The following ARID4A variants were observed in gnomAD, a reference collection of about 807,000 sequenced individuals.
ARID4A encodes the protein AT-rich interaction domain 4A, also known as AT-rich interactive domain-containing protein 4A.
In ARID4A, 39 loss-of-function variants were observed where a neutral mutation model predicts 148.6. That is an observed-to-expected ratio of 0.26 (90% CI 0.20 to 0.34). ARID4A has a LOEUF of 0.34. Among genes scored for constraint, ARID4A ranks in the 10% least tolerant of loss-of-function variants. ARID4A has a pLI of 1.00. For synonymous variants in ARID4A, 475 were observed against 481.2 expected, an observed-to-expected ratio of 0.99 and a Z score of 0.17; for missense variants, 1,265 against 1,449.1, an observed-to-expected ratio of 0.87 and a Z score of 2.06.
chr14:58,314,207 A>G (rs1229801277), intron 5 of ARID4A, among the ~76,000 whole-genome samples: 3 of 152,250 alleles, frequency 2.0e-5, no homozygotes, highest in Non-Finnish European at 4.4e-5. Flanking sequence ...AGCATGCTAT[A>G]GAAGACTGAA....
At chr14:58,355,885 T>C (rs1389897656) in intron 17 of ARID4A, among the ~76,000 whole-genome samples, 2 of 152,234 alleles carry the variant, frequency 1.3e-5, no homozygotes, top group Non-Finnish European at 2.9e-5. Context: ...AATGTTTTAC[T>C]TTATGACTCT....
intron 21 of ARID4A, 148 bp from the exon 22 acceptor site, chr14:58,365,876 T>G (rs567275135): frequency 1.3e-4 from 105 of 812,182 alleles, no homozygotes; most frequent in Admixed American, 2.2e-4. Flanking sequence ...TTTTTTTGTT[T>G]TTTTGTTGTT....
At chr14:58,346,615 A>G (rs1433904570) in intron 13 of ARID4A, 110 bp downstream of exon 13, 1 of 711,228 alleles carries the variant, frequency 1.4e-6, no homozygotes. Flanking sequence ...TTCTTAATGA[A>G]CATAGAATAT....
Position 58,347,775 on chromosome 14 carries a change from T to C in ARID4A, c.1301T>C (p.Leu434Ser). The change falls in exon 15 of 24, where the codon TTA (leucine) becomes TCA (serine). Residue 434 changes from leucine to serine, a missense_variant. Physicochemically the swap from Leu to Ser is moderately radical, Grantham distance 145. Around this residue, in one of 9 missense-constraint regions of ARID4A, gnomAD observed 205 missense variants for 196.9 expected, o/e 1.04. Transcript: ENST00000355431. ...LEESMEEALK[L>S]DQEMPLTEVK... ...GAATCAATGGAAGAGGCTCTCAAAT[T>C]AGATCAAGAAATGCCTTTAACAGAA... The C allele has an allele frequency of 6.2e-7, 1 of 1,613,828 alleles. No individual in the cohort carries two copies. Among genetic ancestry groups the C allele is most frequent in the Non-Finnish European group, 8.5e-7 (1 of 1,179,814 alleles).
At chr14:58,354,688 T>C (rs201744013) in intron 17 of ARID4A, among the ~76,000 whole-genome samples, 3 of 123,464 alleles carry the variant, frequency 2.4e-5, no homozygotes, top group Admixed American at 8.3e-5. Context: ...GTCTCATAAA[T>C]AAAAAAAAAA....
chr14:58,346,656 G>A (rs1257820215), intron 13 of ARID4A, 151 bp downstream of exon 13: 10 of 576,640 alleles, frequency 1.7e-5, no homozygotes, highest in African/African-American at 7.8e-5. Flanking sequence ...GGCCAGGCAC[G>A]GTGGCTCACG....
rs1233801613 is a variant in ARID4A, at chr14:58,318,415, A to G, written c.275-127A>G. The G allele has an allele frequency of 1.4e-5, 14 of 976,336 alleles. No individual in the cohort carries two copies. The East Asian group carries it at 3.7e-4, about 25-fold the overall frequency. The allele number at this position is 976,336 out of a possible 1,614,324, so 60.5% of individuals were successfully genotyped here. On this transcript the variant is annotated intron_variant, in intron 5 of 23. Transcript: ENST00000355431. ...GGTATGCTCATTGTAAAGGTTTTGA[A>G]AAATGACTAAAATAATGGTTCTTAC...
chr14:58,365,384 A>T (rs758112748), intron 20 of ARID4A, 84 bp downstream of exon 20: 2 of 1,471,718 alleles, frequency 1.4e-6, no homozygotes. Context: ...TGATCTGTAA[A>T]GTACTTTCTT....
At chr14:58,363,555 C>A (rs371286218) in intron 19 of ARID4A, among the ~76,000 whole-genome samples, 1 of 151,940 alleles carries the variant, frequency 6.6e-6, no homozygotes, top group Non-Finnish European at 1.5e-5. Flanking sequence ...AAAAATTAGC[C>A]GGGCGTGGTG....
intron 17 of ARID4A, among the ~76,000 whole-genome samples, chr14:58,354,499 A>G (rs1053730148): frequency 1.1e-4 from 17 of 152,050 alleles, no homozygotes; most frequent in African/African-American, 3.6e-4. Context: ...ACCTGGCAAC[A>G]TAGTTAGACC....
intron 7 of ARID4A, among the ~76,000 whole-genome samples, chr14:58,320,412 A>C (rs928896637): frequency 6.6e-6 from 1 of 152,152 alleles, no homozygotes; most frequent in African/African-American, 2.4e-5. Context: ...CTGATAGACT[A>C]CTATCATAAT....
chr14:58,330,756 T>C (rs1459370969), intron 11 of ARID4A, among the ~76,000 whole-genome samples: 1 of 152,224 alleles, frequency 6.6e-6, no homozygotes, highest in Non-Finnish European at 1.5e-5. Context: ...AGAAAATATT[T>C]AGATTATATG....
In ARID4A at chr14:58,353,871, T is replaced by C; in HGVS notation, c.1853+16T>C. On this transcript the variant is annotated intron_variant, in intron 17 of 23. Transcript: ENST00000355431. The stretch of plus-strand genomic sequence containing the variant: ...GGAATGTCAGGTAAGCAAGAAACTA[T>C]TTTCTTACTATTGAAATTTTTTCGA... 4 of 1,597,436 alleles carry C rather than the reference T, an allele frequency of 2.5e-6. No individual in the cohort carries two copies. Among genetic ancestry groups the C allele is most frequent in the Non-Finnish European group, 3.4e-6 (4 of 1,172,386 alleles).
chr14:58,308,054 C>T (rs1204549979), intron 5 of ARID4A, among the ~76,000 whole-genome samples: 3 of 152,100 alleles, frequency 2.0e-5, no homozygotes, highest in Admixed American at 1.3e-4. Flanking sequence ...GATTACTTTT[C>T]AGGTTTTCTC....
chr14:58,301,793 C>A (rs376386628), intron 3 of ARID4A, 103 bp downstream of exon 3: 1 of 690,098 alleles, frequency 1.4e-6, no homozygotes, highest in African/African-American at 1.8e-5. Flanking sequence ...TATATGAAAA[C>A]CCTTTATATA....
chr14:58,339,379 T>C (rs1475423930), intron 11 of ARID4A, among the ~76,000 whole-genome samples: 1 of 152,098 alleles, frequency 6.6e-6, no homozygotes, highest in Non-Finnish European at 1.5e-5. Context: ...ACCACAAAGA[T>C]CAAGTTTAGT....
At position 58,365,167 on chromosome 14, in the gene ARID4A, G is replaced by A. The variant is rs750212193; in HGVS notation, c.3078G>A (p.Thr1026=). 6.2e-6 allele frequency: 10 copies of A among 1,613,938 alleles called. No individual in the cohort carries two copies. Among genetic ancestry groups the A allele is most frequent in the South Asian group, 3.3e-5 (3 of 91,080 alleles). The part of the protein sequence containing the change: ...SRSVKSESDI[T]IEVDSIAEES... The stretch of plus-strand genomic sequence containing the variant: ...GCGTAAAAAGTGAGAGTGATATAAC[G>A]ATTGAAGTTGATAGTATTGCTGAAG... The change falls in exon 20 of 24, where the codon ACG becomes ACA. Residue 1026 remains threonine, a synonymous_variant. Transcript: ENST00000355431.
Position 58,347,000 on chromosome 14 carries a change from A to AT in ARID4A, c.1075-19dup, listed in dbSNP as rs2034407489. On this transcript the variant is annotated intron_variant, in intron 13 of 23. Coordinates refer to ENST00000355431, the MANE Select transcript of ARID4A (RefSeq NM_002892.4). ...ATTAATTCCCTTTGCAAATGTTAACATAAAAACTTAATTTTCCAGATTGAT... is the reference window on the plus strand; with the variant it reads ...ATTAATTCCCTTTGCAAATGTTAACATTAAAAACTTAATTTTCCAGATTGAT... The AT allele has an allele frequency of 8.9e-7, 1 of 1,125,198 alleles. No homozygotes were observed. The highest frequency in any genetic ancestry group is 1.2e-6 in the Non-Finnish European group (1 of 807,228). 69.7% of individuals were successfully genotyped at this position (1,125,198 alleles called of 1,614,324 possible).
intron 17 of ARID4A, among the ~76,000 whole-genome samples, chr14:58,357,712 G>T (rs1172967197): frequency 2.0e-5 from 3 of 149,730 alleles, no homozygotes; most frequent in Non-Finnish European, 4.4e-5. Context: ...GAAGCCAAAA[G>T]ATTGGACATT....
Sources: allele counts gnomAD v4.1 joint callset (sites outside exome capture counted in the v4.1 genomes callset), GRCh38; gene constraint gnomAD v4.1.1; regional missense constraint gnomAD v4.1.1; transcripts MANE v1.5; gene names NCBI Gene and HGNC (gene_info 2026-07-23, HGNC 2026-07-21).